Variants in MMP16 observed in about 807,000 individuals in gnomAD.
MMP16 encodes matrix metalloproteinase-16.
Under a neutral mutation model 67.8 loss-of-function variants are expected in MMP16, and 12 were observed. That is an observed-to-expected ratio of 0.18 (90% CI 0.11 to 0.29). The LOEUF (loss-of-function observed/expected upper bound fraction) is 0.29. Among genes scored for constraint, MMP16 ranks in the 10% least tolerant of loss-of-function variants. The pLI is 1.00. For synonymous variants in MMP16, 249 were observed against 255.9 expected (o/e 0.97, Z 0.26); for missense variants, 475 against 765.7 (o/e 0.62, Z 4.48).
intron 1 of MMP16, among the ~76,000 whole-genome samples, chr8:88,245,205 T>C (rs887201541): frequency 2.0e-5 from 3 of 152,190 alleles, no homozygotes; most frequent in East Asian, 1.9e-4. Context: ...CTTAAATACA[T>C]GTATAGATCT....
intron 3 of MMP16, among the ~76,000 whole-genome samples, chr8:88,171,822 T>C (rs559567946): frequency 3.8e-4 from 58 of 151,420 alleles, no homozygotes; most frequent in African/African-American, 1.2e-3. Flanking sequence ...ATTTCAATGA[T>C]ATGATGCATT....
chr8:88,081,742 G>T (rs1023020194), intron 6 of MMP16, among the ~76,000 whole-genome samples: 16 of 152,070 alleles, frequency 1.1e-4, no homozygotes, highest in African/African-American at 2.4e-4. Context: ...TACATATATT[G>T]TAGTAAAAAC....
At chr8:88,107,225 C>T (rs897714827) in intron 6 of MMP16, among the ~76,000 whole-genome samples, 1 of 151,078 alleles carries the variant, frequency 6.6e-6, no homozygotes, top group South Asian at 2.1e-4. Flanking sequence ...TATACATTTA[C>T]ATTTTTCTAT....
intron 1 of MMP16, among the ~76,000 whole-genome samples, chr8:88,203,763 T>C (rs995566214): frequency 6.6e-6 from 1 of 152,230 alleles, no homozygotes; most frequent in African/African-American, 2.4e-5. Flanking sequence ...GGTTGTTTCA[T>C]AGCAAGGTAC....
intron 2 of MMP16, among the ~76,000 whole-genome samples, chr8:88,187,638 A>G (rs1563557205): frequency 6.6e-6 from 1 of 152,220 alleles, no homozygotes; most frequent in Non-Finnish European, 1.5e-5. Context: ...TCATTTACAC[A>G]TTAAGTAATT....
chr8:88,059,648 T>C (rs2118234846), intron 7 of MMP16, among the ~76,000 whole-genome samples: 1 of 152,228 alleles, frequency 6.6e-6, no homozygotes, highest in East Asian at 1.9e-4. Context: ...GCTGTTCTTT[T>C]TACCAATGGT....
chr8:88,275,897 C>T (rs1294336335), intron 1 of MMP16, among the ~76,000 whole-genome samples: 1 of 151,970 alleles, frequency 6.6e-6, no homozygotes, highest in Non-Finnish European at 1.5e-5. Context: ...GCCTTGTAAG[C>T]TATGAATCTG....
intron 4 of MMP16, among the ~76,000 whole-genome samples, chr8:88,126,345 A>G (rs914640605): frequency 1.3e-5 from 2 of 151,842 alleles, no homozygotes; most frequent in East Asian, 1.9e-4. Context: ...CTGAGAAACT[A>G]CACAACTTCT....
chr8:88,166,877 A>G (rs1447981635), intron 4 of MMP16, among the ~76,000 whole-genome samples: 1 of 151,174 alleles, frequency 6.6e-6, no homozygotes, highest in African/African-American at 2.4e-5. Context: ...AGCCTGCAAA[A>G]ATTATAGACT....
intron 3 of MMP16, among the ~76,000 whole-genome samples, chr8:88,176,156 T>C (rs1309645318): frequency 2.0e-5 from 3 of 152,198 alleles, no homozygotes; most frequent in Non-Finnish European, 2.9e-5. Flanking sequence ...AGGTTACAAG[T>C]GACACAGAGA....
intron 4 of MMP16, among the ~76,000 whole-genome samples, chr8:88,125,934 T>G (rs1807923326): frequency 6.6e-6 from 1 of 151,870 alleles, no homozygotes; most frequent in South Asian, 2.1e-4. Flanking sequence ...CTTCACTGAC[T>G]GCTTTAAAAA....
chr8:88,275,888 C>T (rs1036547257), intron 1 of MMP16, among the ~76,000 whole-genome samples: 1 of 151,928 alleles, frequency 6.6e-6, no homozygotes, highest in African/African-American at 2.4e-5. Flanking sequence ...ATTTTTTTAG[C>T]CTTGTAAGCT....
intron 1 of MMP16, among the ~76,000 whole-genome samples, chr8:88,292,593 G>A (rs941255211): frequency 1.3e-5 from 2 of 152,124 alleles, no homozygotes; most frequent in African/African-American, 2.4e-5. Flanking sequence ...TCATATGATT[G>A]GGAGAAGCAA....
intron 6 of MMP16, among the ~76,000 whole-genome samples, 167 bp downstream of exon 6, chr8:88,116,340 T>C (rs1809434064): frequency 6.6e-6 from 1 of 152,120 alleles, no homozygotes; most frequent in Non-Finnish European, 1.5e-5. Flanking sequence ...AATCTTCTGC[T>C]AGACATTTAA....
Position 88,160,132 on chromosome 8 carries a change from C to G in MMP16, c.709+7537G>C, listed in dbSNP as rs1311778878. On this transcript the variant is annotated intron_variant, in intron 4 of 9. Transcript: ENST00000286614. ...GCTATCCCTCCCCCTTCCCCCAATC[C>G]CACAACAGTTCCCAGAGTGTCATGT... Among the ~76,000 whole-genome samples the G allele has an allele frequency of 2.0e-5, 3 of 151,978 alleles. No homozygotes were observed. In the East Asian group the frequency reaches 5.8e-4, roughly 30 times the overall value.
intron 2 of MMP16, among the ~76,000 whole-genome samples, chr8:88,191,782 A>G (rs894993225): frequency 5.3e-5 from 8 of 152,062 alleles, no homozygotes; most frequent in Admixed American, 5.2e-4. Flanking sequence ...TCACTGCATG[A>G]CTCTTAAGAG....
chr8:88,315,569 A>G (rs1258407199), intron 1 of MMP16, among the ~76,000 whole-genome samples: 1 of 152,098 alleles, frequency 6.6e-6, no homozygotes, highest in Non-Finnish European at 1.5e-5. Flanking sequence ...GAGTACCACA[A>G]ACTCTGCCCA....
chr8:88,314,393 T>C (rs890068582), intron 1 of MMP16, among the ~76,000 whole-genome samples: 6 of 152,236 alleles, frequency 3.9e-5, no homozygotes, highest in Admixed American at 3.9e-4. Flanking sequence ...TTTTCTGCTT[T>C]GTCGTATGCC....
At chr8:88,246,073 T>C (rs569660220) in intron 1 of MMP16, among the ~76,000 whole-genome samples, 1 of 152,100 alleles carries the variant, frequency 6.6e-6, no homozygotes, top group East Asian at 1.9e-4. Flanking sequence ...TGTTATGGGG[T>C]AAAAGAAGAA....
Sources: gnomAD v4.1 joint callset for allele counts (sites outside exome capture counted in the v4.1 genomes callset) on GRCh38, gnomAD v4.1.1 for gene constraint, MANE v1.5 for transcripts, NCBI Gene and HGNC (gene_info 2026-07-23, HGNC 2026-07-21) for gene names.